Variants in ADGRV1 observed in about 807,000 individuals in gnomAD.
ADGRV1 encodes the protein G-protein coupled receptor 98.
ADGRV1 carries 359 observed loss-of-function variants against 596.2 expected under a neutral mutation model. The ratio of observed to expected loss-of-function variants is 0.60; its 90% confidence interval spans 0.55 to 0.66. The LOEUF (loss-of-function observed/expected upper bound fraction) is 0.66. Among genes scored for constraint, ADGRV1 ranks in the 30% least tolerant of loss-of-function variants. ADGRV1 has a pLI of 0.00. For synonymous variants in ADGRV1, 2,681 were observed against 2,679.2 expected (o/e 1.00, Z -0.02); for missense variants, 7,274 against 7,575.6 (o/e 0.96, Z 1.48).
Position 90,675,331 on chromosome 5 carries a change from G to A in ADGRV1, c.5199G>A (p.Glu1733=), listed in dbSNP as rs367929245. The part of the protein sequence containing the change: ...PASSVPHITV[E]EEDGEIRLLV... ...GCAGCGTTCCACATATCACTGTGGA[G>A]GAGGAAGATGGAGAAATCAGGTTAT... Residue 1733 remains glutamate (E), a synonymous_variant, in exon 24 of 90, where the codon GAG becomes GAA. Transcript: ENST00000405460. 2 of 1,613,770 alleles carry A rather than the reference G, an allele frequency of 1.2e-6. No individual in the cohort carries two copies. The highest frequency in any genetic ancestry group is 2.7e-5 in the African/African-American group (2 of 74,936).
intron 83 of ADGRV1, among the ~76,000 whole-genome samples, chr5:90,872,612 T>C (rs1381564977): frequency 6.6e-6 from 1 of 152,206 alleles, no homozygotes; most frequent in Non-Finnish European, 1.5e-5. Context: ...AAACACTTGA[T>C]AAGTTAATTC....
chr5:91,093,835 G>A (rs1330850407), intron 86 of ADGRV1, among the ~76,000 whole-genome samples: 3 of 151,054 alleles, frequency 2.0e-5, no homozygotes, highest in Non-Finnish European at 2.9e-5. Context: ...TGTGTATCAC[G>A]TGTATACATA....
rs1386593443 is a variant in ADGRV1, at chr5:90,808,977, C to T, written c.14972+1240C>T. On this transcript the variant is annotated intron_variant, in intron 73 of 89. Transcript: ENST00000405460. ...TTTTTTTTTTTTTGAGATGGAGACT[C>T]GCTCTTTCGCCCAGGCCGGACTGTA... 6.1e-5 allele frequency among the ~76,000 whole-genome samples: 9 copies of T among 146,608 alleles called. No homozygotes were observed. In the East Asian group the frequency reaches 6.2e-4, roughly 10 times the overall value.
intron 83 of ADGRV1, among the ~76,000 whole-genome samples, chr5:90,907,806 A>T (rs567531530): frequency 2.5e-4 from 38 of 152,158 alleles, no homozygotes; most frequent in African/African-American, 8.4e-4. Context: ...AGTATCTGCT[A>T]GGTGTTCGAT....
intron 83 of ADGRV1, among the ~76,000 whole-genome samples, chr5:90,925,663 A>G (rs1334475823): frequency 1.4e-5 from 2 of 146,868 alleles, no homozygotes; most frequent in Admixed American, 6.8e-5. Context: ...AACTTCCAAC[A>G]CTATGTTGAA....
At chr5:91,081,983 G>A (rs888133044) in intron 86 of ADGRV1, among the ~76,000 whole-genome samples, 23 of 152,154 alleles carry the variant, frequency 1.5e-4, no homozygotes, top group African/African-American at 5.3e-4. Flanking sequence ...GATGAGAGAG[G>A]AGACGGAATA....
At chr5:90,797,681 T>G (rs930573380) in intron 70 of ADGRV1, among the ~76,000 whole-genome samples, 1 of 152,172 alleles carries the variant, frequency 6.6e-6, no homozygotes, top group Non-Finnish European at 1.5e-5. Flanking sequence ...TATCTTCTTC[T>G]CAGCACCTCG....
intron 83 of ADGRV1, among the ~76,000 whole-genome samples, chr5:90,932,683 T>C (rs996482608): frequency 6.6e-6 from 1 of 152,028 alleles, no homozygotes; most frequent in Non-Finnish European, 1.5e-5. Context: ...TTGTGAACAA[T>C]TGAAAACATT....
chr5:90,754,365 C>A (rs1755596696), intron 54 of ADGRV1, among the ~76,000 whole-genome samples: 1 of 152,146 alleles, frequency 6.6e-6, no homozygotes, highest in Non-Finnish European at 1.5e-5. Context: ...CTAAGATTTT[C>A]ACGTAATAAC....
chr5:90,734,516 T>C (rs963725726), intron 50 of ADGRV1, among the ~76,000 whole-genome samples: 26 of 152,296 alleles, frequency 1.7e-4, no homozygotes, highest in Middle Eastern at 6.8e-3. Flanking sequence ...TCAGCATTTT[T>C]TTCATGAACC....
chr5:90,681,442 T>C lies in ADGRV1; in HGVS notation c.5652T>C (p.Thr1884=). 1 of 1,609,764 alleles carries C rather than the reference T, an allele frequency of 6.2e-7. No individual in the cohort carries two copies. The highest frequency in any genetic ancestry group is 8.5e-7 in the Non-Finnish European group (1 of 1,177,630). ...CTGAACCAGAAGATGGGTATAGCAC[T>C]GTTACATTAAATGTGAGTACCTTTT... ...SGTEPEDGYS[T]VTLNVIRHHG... is the part of the protein sequence containing the mutation. Residue 1884 remains threonine (T), a synonymous_variant, in exon 27 of 90, where the codon ACT becomes ACC. Transcript: ENST00000405460.
intron 28 of ADGRV1, 131 bp downstream of exon 28, chr5:90,684,326 C>A: frequency 1.2e-6 from 1 of 838,902 alleles, no homozygotes; most frequent in Non-Finnish European, 1.8e-6. Context: ...CCTCTTACAA[C>A]AGTTTACCTG....
At chr5:90,679,453 AT>A in intron 25 of ADGRV1, 95 bp from the exon 26 acceptor site, 1 of 742,390 alleles carries the variant, frequency 1.3e-6, no homozygotes, top group Non-Finnish European at 2.3e-6. Flanking sequence ...ATATTACTGC[AT>A]TTTCCTCTTT....
chr5:91,144,836 CT>C (rs536749666), intron 87 of ADGRV1, among the ~76,000 whole-genome samples: 240 of 152,304 alleles, frequency 1.6e-3, no homozygotes, highest in African/African-American at 5.4e-3. Context: ...ATATTTTATC[CT>C]TACGTCTCAG....
At chr5:91,106,096 G>A (rs1791848071) in intron 87 of ADGRV1, among the ~76,000 whole-genome samples, 2 of 151,860 alleles carry the variant, frequency 1.3e-5, no homozygotes, top group South Asian at 2.1e-4. Context: ...ATAGTTTTGG[G>A]TCTTACATTT....
At chr5:90,840,029 A>G (rs1765296023) in intron 77 of ADGRV1, among the ~76,000 whole-genome samples, 1 of 152,200 alleles carries the variant, frequency 6.6e-6, no homozygotes, top group South Asian at 2.1e-4. Flanking sequence ...ACTTTTTCCA[A>G]GAAAACTTTT....
intron 85 of ADGRV1, among the ~76,000 whole-genome samples, chr5:91,062,590 C>T (rs1239438346): frequency 6.6e-6 from 1 of 152,154 alleles, no homozygotes; most frequent in Non-Finnish European, 1.5e-5. Context: ...ACACCCACTG[C>T]ACCCCAGCAC....
chr5:90,685,555 A>G (rs1339716223), intron 28 of ADGRV1, among the ~76,000 whole-genome samples: 1 of 151,900 alleles, frequency 6.6e-6, no homozygotes, highest in Non-Finnish European at 1.5e-5. Context: ...ACTACACTCC[A>G]ACACTCCAGC....
At chr5:91,150,697 C>G (rs946843739) in intron 88 of ADGRV1, among the ~76,000 whole-genome samples, 5 of 152,196 alleles carry the variant, frequency 3.3e-5, no homozygotes, top group African/African-American at 1.2e-4. Flanking sequence ...TTAAGCCAAA[C>G]CTCTTTTCAA....
Sources: allele counts gnomAD v4.1 joint callset (sites outside exome capture counted in the v4.1 genomes callset), GRCh38; gene constraint gnomAD v4.1.1; transcripts MANE v1.5; gene names NCBI Gene and HGNC (gene_info 2026-07-23, HGNC 2026-07-21).